Variants in HOXD12 observed in about 807,000 individuals in gnomAD.
HOXD12 encodes homeobox D12.
A neutral mutation model predicts 20.2 loss-of-function variants in HOXD12; 21 were observed. The ratio of observed to expected loss-of-function variants is 1.04; its 90% confidence interval spans 0.74 to 1.50. HOXD12 has a LOEUF of 1.50. HOXD12 is among the 40% of genes most tolerant of loss of function. HOXD12 has a pLI of 0.00. For missense variants in HOXD12, 472 were observed against 365.5 expected (o/e 1.29, Z -2.38); for synonymous variants, 196 against 168.8 (o/e 1.16, Z -1.25).
Position 176,100,659 on chromosome 2 carries a change from A to T in HOXD12, c.712A>T (p.Arg238Trp). 6.2e-7 allele frequency: 1 copy of T among 1,613,962 alleles called. No homozygotes were observed. The highest frequency in any genetic ancestry group is 8.5e-7 in the Non-Finnish European group (1 of 1,179,834). Residue 238 changes from arginine to tryptophan, a missense_variant, in exon 2 of 2, where the codon AGG becomes TGG. Transcript: ENST00000406506. Reference sequence around the variant, plus strand: ...GCAGAAACGCAAGGAATTGTCCAATAGGCTGAACCTCAGCGACCAGCAAGT... The same window carrying T: ...GCAGAAACGCAAGGAATTGTCCAATTGGCTGAACCTCAGCGACCAGCAAGT... The part of the protein sequence containing the change: ...NRQKRKELSN[R>W]LNLSDQQVKI...
chr2:176,100,528 C>G lies in HOXD12; in HGVS notation c.581C>G (p.Pro194Arg). ...CLRPSLPDGL[P>R]WGAAPGRARK... Reference sequence around the variant, plus strand: ...GGTTGGGGCTGTGTTGCAGGCCTGCCGTGGGGGGCGGCCCCGGGGAGGGCC... The same window carrying G: ...GGTTGGGGCTGTGTTGCAGGCCTGCGGTGGGGGGCGGCCCCGGGGAGGGCC... The change falls in exon 2 of 2, where the codon CCG (proline) becomes CGG (arginine). Residue 194 changes from proline to arginine, a missense_variant. Coordinates refer to ENST00000406506, the MANE Select transcript of HOXD12 (RefSeq NM_021193.4). The G allele has an allele frequency of 6.2e-7, 1 of 1,602,318 alleles. No homozygotes were observed. The highest frequency in any genetic ancestry group is 8.5e-7 in the Non-Finnish European group (1 of 1,174,390).
Position 176,100,386 on chromosome 2 carries a change from C to A in HOXD12, c.574+11C>A. On this transcript the variant is annotated intron_variant, in intron 1 of 1. Coordinates refer to ENST00000406506, the MANE Select transcript of HOXD12 (RefSeq NM_021193.4). ...CTTCACTGCCCGACGGTAAACGGTG[C>A]CCATGCTCCCCGGGCCGGTTTGGGC... is the stretch of plus-strand genomic sequence containing the variant. 1 of 1,612,032 alleles carries A rather than the reference C, an allele frequency of 6.2e-7. No homozygotes were observed. Among genetic ancestry groups the A allele is most frequent in the Non-Finnish European group, 8.5e-7 (1 of 1,179,434 alleles).
At position 176,100,115 on chromosome 2, in the gene HOXD12, C is replaced by T; in HGVS notation, c.314C>T (p.Ala105Val). The T allele has an allele frequency of 6.2e-7, 1 of 1,609,144 alleles. No homozygotes were observed. The highest frequency in any genetic ancestry group is 1.1e-5 in the South Asian group (1 of 90,658). Residue 105 changes from alanine (A) to valine (V), a missense_variant, in exon 1 of 2, where the codon GCG becomes GTG. Transcript: ENST00000406506. ...CAGGCTAAGTTCTATGCGCCCGAAG[C>T]GGCCGCTGGGCCAGAGGAGCGCGGT... is the stretch of plus-strand genomic sequence containing the variant. ...EEQAKFYAPE[A>V]AAGPEERGRT...
rs531694580 is a variant in HOXD12 at position 176,102,032 on chromosome 2, G to T, written c.*1272G>T. 6.6e-6 allele frequency among the ~76,000 whole-genome samples: 1 copy of T among 152,326 alleles called. No individual in the cohort carries two copies. Among genetic ancestry groups the T allele is most frequent in the South Asian group, 2.1e-4 (1 of 4,824 alleles). On this transcript the variant is annotated 3_prime_UTR_variant, in exon 2 of 2. Transcript: ENST00000406506. ...ACTTTAAGGCCCTGGGCCCTGCCAG[G>T]CTTGCCTCATGGAGGCAGGGGTTCC...
rs1413609020 is a variant in HOXD12 at position 176,100,232 on chromosome 2, G to A, written c.431G>A (p.Arg144His). ...AAGTATGACTACGCTGGTGTGGGTC[G>A]TGCCACGCCGGGCTCCACGACCCTG... ...AAKYDYAGVGRATPGSTTLLQ... is the reference protein window; with the variant it reads ...AAKYDYAGVGHATPGSTTLLQ... The change falls in exon 1 of 2, where the codon CGT becomes CAT. Residue 144 changes from arginine (R) to histidine (H), a missense_variant. Arg to His is a conservative substitution (Grantham distance 29, BLOSUM62 0). Transcript: ENST00000406506. 8.7e-6 allele frequency: 14 copies of A among 1,612,214 alleles called. No homozygotes were observed. The highest frequency in any genetic ancestry group is 3.3e-5 in the South Asian group (3 of 91,064).
At position 176,100,137 on chromosome 2, in the gene HOXD12, C is replaced by CGG; in HGVS notation, c.337_338dup (p.Arg114ValfsTer60). Reference sequence around the variant, plus strand: ...AAGCGGCCGCTGGGCCAGAGGAGCGCGGTCGTACCCGGCCGTCCTTCGCCC... The same window carrying CGG: ...AAGCGGCCGCTGGGCCAGAGGAGCGCGGGGTCGTACCCGGCCGTCCTTCGCCC... On this transcript the variant is annotated frameshift_variant, in exon 1 of 2. Transcript: ENST00000406506. LOFTEE classifies it high-confidence loss of function. 1 of 1,610,946 alleles carries CGG rather than the reference C, an allele frequency of 6.2e-7. No homozygotes were observed. The highest frequency in any genetic ancestry group is 8.5e-7 in the Non-Finnish European group (1 of 1,179,586).
In HOXD12 at chr2:176,100,619, C is replaced by T; in HGVS notation, c.672C>T (p.Asn224=). The T allele has an allele frequency of 6.2e-7, 1 of 1,613,406 alleles. No homozygotes were observed. The highest frequency in any genetic ancestry group is 8.5e-7 in the Non-Finnish European group (1 of 1,179,568). Residue 224 remains asparagine (N), a synonymous_variant, in exon 2 of 2, where the codon AAC becomes AAT. Coordinates refer to ENST00000406506, the MANE Select transcript of HOXD12 (RefSeq NM_021193.4). ...AGTTGGAGAACGAATTCCTCGTCAA[C>T]GAATTCATCAACAGGCAGAAACGCA... is the stretch of plus-strand genomic sequence containing the variant. ...IAELENEFLV[N]EFINRQKRKE...
Position 176,100,108 on chromosome 2 carries a change from C to G in HOXD12, c.307C>G (p.Pro103Ala), listed in dbSNP as rs762062868. 20 of 1,608,350 alleles carry G rather than the reference C, an allele frequency of 1.2e-5. No individual in the cohort carries two copies. The highest frequency in any genetic ancestry group is 3.3e-4 in the Middle Eastern group (2 of 6,056). ...GPEEQAKFYA[P>A]EAAAGPEERG... ...CGAAGAGCAGGCTAAGTTCTATGCGCCCGAAGCGGCCGCTGGGCCAGAGGA... is the reference window on the plus strand; with the variant it reads ...CGAAGAGCAGGCTAAGTTCTATGCGGCCGAAGCGGCCGCTGGGCCAGAGGA... The change falls in exon 1 of 2, where the codon CCC becomes GCC. Residue 103 changes from proline to alanine, a missense_variant. Coordinates refer to ENST00000406506, the MANE Select transcript of HOXD12 (RefSeq NM_021193.4).
In HOXD12 at chr2:176,100,028, A is replaced by T. The variant is rs529994924; in HGVS notation, c.227A>T (p.Tyr76Phe). The T allele has an allele frequency of 1.5e-5, 24 of 1,569,164 alleles. No homozygotes were observed. In the South Asian group the frequency reaches 2.6e-4, roughly 17 times the overall value. The change falls in exon 1 of 2, where the codon TAC becomes TTC. Residue 76 changes from tyrosine to phenylalanine, a missense_variant. By Grantham distance (22) the Tyr-to-Phe change is conservative (BLOSUM62 3). Coordinates refer to ENST00000406506, the MANE Select transcript of HOXD12 (RefSeq NM_021193.4). The stretch of plus-strand genomic sequence containing the variant: ...GCCTTCGGCGGCTTCTCGCAGCCCT[A>T]CCTGGCTGGCTCCGGGCCTCTCGGC... The part of the protein sequence containing the change: ...ATAFGGFSQP[Y>F]LAGSGPLGLQ...
Position 176,101,051 on chromosome 2 carries a change from C to T in HOXD12, c.*291C>T. 2.0e-6 allele frequency: 1 copy of T among 509,430 alleles called. No homozygotes were observed. The highest frequency in any genetic ancestry group is 3.5e-6 in the Non-Finnish European group (1 of 287,452). 31.6% of individuals were successfully genotyped at this position (509,430 alleles called of 1,614,324 possible). Reference sequence around the variant, plus strand: ...CTTGCTCCTGGCTGGGGCATTTGCACCCACCGCTCATTCTTGCTCCCCGGT... The same window carrying T: ...CTTGCTCCTGGCTGGGGCATTTGCATCCACCGCTCATTCTTGCTCCCCGGT... On this transcript the variant is annotated 3_prime_UTR_variant, in exon 2 of 2. Transcript: ENST00000406506.
At position 176,101,881 on chromosome 2, in the gene HOXD12, G is replaced by T. The variant is rs1456800976; in HGVS notation, c.*1121G>T. On this transcript the variant is annotated 3_prime_UTR_variant, in exon 2 of 2. Transcript: ENST00000406506. ...GGAAGTCTCTTAGATTCTCTGCCCC[G>T]CTAGCTGCTCTTGACAAAGCAAAGA... Among the ~76,000 whole-genome samples the T allele has an allele frequency of 6.6e-6, 1 of 152,190 alleles. No homozygotes were observed. Among genetic ancestry groups the T allele is most frequent in the Admixed American group, 6.5e-5 (1 of 15,284 alleles).
In HOXD12 at chr2:176,100,723, G is replaced by C; in HGVS notation, c.776G>C (p.Arg259Pro). 1 of 1,613,912 alleles carries C rather than the reference G, an allele frequency of 6.2e-7. No individual in the cohort carries two copies. Among genetic ancestry groups the C allele is most frequent in the South Asian group, 1.1e-5 (1 of 91,056 alleles). ...CAGAACAGGCGTATGAAGAAGAAGC[G>C]CGTGGTGCTTCGGGAGCAGGCGCTG... ...WFQNRRMKKKRVVLREQALAL... is the reference protein window; with the variant it reads ...WFQNRRMKKKPVVLREQALAL... The change falls in exon 2 of 2, where the codon CGC becomes CCC. Residue 259 changes from arginine to proline, a missense_variant. Transcript: ENST00000406506.
Position 176,100,357 on chromosome 2 carries a change from C to A in HOXD12, c.556C>A (p.Arg186=), listed in dbSNP as rs758492954. The A allele has an allele frequency of 4.6e-5, 74 of 1,612,378 alleles. No individual in the cohort carries two copies. The highest frequency in any genetic ancestry group is 9.9e-5 in the South Asian group (9 of 91,048). ...GGCGGCGGGCGTTGCCTCTTGCCTG[C>A]GACCTTCACTGCCCGACGGTAAACG... ...VQAAGVASCL[R]PSLPDGLPWG... Residue 186 remains arginine (R), a synonymous_variant, in exon 1 of 2, where the codon CGA becomes AGA. Transcript: ENST00000406506.
In HOXD12 at chr2:176,099,912, C is replaced by A; in HGVS notation, c.111C>A (p.Ala37=). Residue 37 remains alanine (A), a synonymous_variant, in exon 1 of 2, where the codon GCC becomes GCA. Transcript: ENST00000406506. ...TGAGGCCGAATGGCGGCCAGTTGGC[C>A]GCGCTTCCCCCTATCTCCTACCCGC... The part of the protein sequence containing the change: ...SNLRPNGGQL[A]ALPPISYPRG... 1 of 1,594,394 alleles carries A rather than the reference C, an allele frequency of 6.3e-7. No homozygotes were observed. The highest frequency in any genetic ancestry group is 8.5e-7 in the Non-Finnish European group (1 of 1,173,144).
rs1450433529 is a variant in HOXD12 at position 176,099,910 on chromosome 2, G to T, written c.109G>T (p.Ala37Ser). The change falls in exon 1 of 2, where the codon GCC becomes TCC. Residue 37 changes from alanine to serine, a missense_variant. By Grantham distance (99) the Ala-to-Ser change is moderately conservative. Coordinates refer to ENST00000406506, the MANE Select transcript of HOXD12 (RefSeq NM_021193.4). The part of the protein sequence containing the change: ...SNLRPNGGQL[A>S]ALPPISYPRG... ...CCTGAGGCCGAATGGCGGCCAGTTGGCCGCGCTTCCCCCTATCTCCTACCC... is the reference window on the plus strand; with the variant it reads ...CCTGAGGCCGAATGGCGGCCAGTTGTCCGCGCTTCCCCCTATCTCCTACCC... 1.9e-6 allele frequency: 3 copies of T among 1,594,498 alleles called. No homozygotes were observed. Among genetic ancestry groups the T allele is most frequent in the Non-Finnish European group, 2.6e-6 (3 of 1,173,212 alleles).
chr2:176,100,607 A>T lies in HOXD12; in HGVS notation c.660A>T (p.Glu220Asp). Reference sequence around the variant, plus strand: ...AGCAGATTGCGGAGTTGGAGAACGAATTCCTCGTCAACGAATTCATCAACA... The same window carrying T: ...AGCAGATTGCGGAGTTGGAGAACGATTTCCTCGTCAACGAATTCATCAACA... Reference protein sequence around the residue: ...TKQQIAELENEFLVNEFINRQ... With the variant: ...TKQQIAELENDFLVNEFINRQ... The change falls in exon 2 of 2, where the codon GAA becomes GAT. Residue 220 changes from glutamate to aspartate, a missense_variant. Transcript: ENST00000406506. 4 of 1,613,378 alleles carry T rather than the reference A, an allele frequency of 2.5e-6. No individual in the cohort carries two copies. Among genetic ancestry groups the T allele is most frequent in the Non-Finnish European group, 3.4e-6 (4 of 1,179,622 alleles).
Position 176,100,781 on chromosome 2 carries a change from G to T in HOXD12, c.*21G>T. 1.1e-5 allele frequency: 17 copies of T among 1,541,188 alleles called. No homozygotes were observed. The highest frequency in any genetic ancestry group is 1.4e-5 in the Non-Finnish European group (16 of 1,117,240). Reference sequence around the variant, plus strand: ...ACTAGCCGCGCGCGTGGCCAGGGCCGGGTTGGATCTGCCCTTTTGGACAGA... The same window carrying T: ...ACTAGCCGCGCGCGTGGCCAGGGCCTGGTTGGATCTGCCCTTTTGGACAGA... On this transcript the variant is annotated 3_prime_UTR_variant, in exon 2 of 2. Coordinates refer to ENST00000406506, the MANE Select transcript of HOXD12 (RefSeq NM_021193.4).
Position 176,100,059 on chromosome 2 carries a change from G to A in HOXD12, c.258G>A (p.Gln86=). 1 of 1,588,304 alleles carries A rather than the reference G, an allele frequency of 6.3e-7. No individual in the cohort carries two copies. Among genetic ancestry groups the A allele is most frequent in the Non-Finnish European group, 8.6e-7 (1 of 1,168,608 alleles). ...CTGGCTCCGGGCCTCTCGGCCTGCA[G>A]CCCCCAACAGCCAAAGACGGACCCG... The part of the protein sequence containing the change: ...YLAGSGPLGL[Q]PPTAKDGPEE... Residue 86 remains glutamine (Q), a synonymous_variant, in exon 1 of 2, where the codon CAG becomes CAA. Transcript: ENST00000406506.
At position 176,101,232 on chromosome 2, in the gene HOXD12, C is replaced by T. The variant is rs1290047232; in HGVS notation, c.*472C>T. ...TACAATTAGGTCTCTGCAGCAGAAG[C>T]CCTTTGTGGCAAGGCCAGGATCTTC... On this transcript the variant is annotated 3_prime_UTR_variant, in exon 2 of 2. Coordinates refer to ENST00000406506, the MANE Select transcript of HOXD12 (RefSeq NM_021193.4). 1 of 164,518 alleles carries T rather than the reference C, an allele frequency of 6.1e-6. No homozygotes were observed. Among genetic ancestry groups the T allele is most frequent in the Non-Finnish European group, 1.3e-5 (1 of 75,684 alleles). The allele number at this position is 164,518 out of a possible 1,614,324, so 10.2% of individuals were successfully genotyped here. A position where few individuals can be genotyped will look rare whatever the true frequency, so the allele number is the denominator to read the frequency against.
Sources: gnomAD v4.1 joint callset for allele counts (sites outside exome capture counted in the v4.1 genomes callset) on GRCh38, gnomAD v4.1.1 for gene constraint, MANE v1.5 for transcripts, NCBI Gene and HGNC (gene_info 2026-07-23, HGNC 2026-07-21) for gene names.